Variants in FSTL5 observed in about 807,000 individuals in gnomAD.
FSTL5 encodes follistatin-related protein 5.
Under a neutral mutation model 89.1 loss-of-function variants are expected in FSTL5, and 62 were observed. The ratio of observed to expected loss-of-function variants is 0.70; its 90% confidence interval spans 0.57 to 0.86. The LOEUF (loss-of-function observed/expected upper bound fraction) is 0.86. Ranked by LOEUF, FSTL5 falls within the 40% of genes least tolerant of loss-of-function variation. FSTL5 has a pLI of 0.00. For missense variants in FSTL5, 1,057 were observed against 1,001.6 expected (o/e 1.06, Z -0.75); for synonymous variants, 383 against 346.2 (o/e 1.11, Z -1.18).
At chr4:161,938,665 T>C (rs1397915654) in intron 3 of FSTL5, among the ~76,000 whole-genome samples, 2 of 151,568 alleles carry the variant, frequency 1.3e-5, no homozygotes, top group African/African-American at 2.4e-5. Context: ...AAATAATGCA[T>C]AGTTTATTAA....
intron 2 of FSTL5, among the ~76,000 whole-genome samples, chr4:162,076,208 C>A (rs1020992855): frequency 1.3e-5 from 2 of 151,882 alleles, no homozygotes; most frequent in Non-Finnish European, 2.9e-5. Context: ...TCAGAACCAT[C>A]ATATCGCTAT....
chr4:161,957,159 G>A (rs952164907), intron 3 of FSTL5, among the ~76,000 whole-genome samples: 1 of 151,798 alleles, frequency 6.6e-6, no homozygotes, highest in Non-Finnish European at 1.5e-5. Context: ...TTAAAACCCT[G>A]AAAATACATG....
chr4:162,115,175 C>G (rs749624087), intron 1 of FSTL5, among the ~76,000 whole-genome samples: 8 of 152,092 alleles, frequency 5.3e-5, no homozygotes, highest in Non-Finnish European at 1.0e-4. Flanking sequence ...TTGTAAATAA[C>G]TACTTTGTAA....
chr4:161,893,040 T>G (rs547849769), intron 4 of FSTL5, among the ~76,000 whole-genome samples: 7 of 152,234 alleles, frequency 4.6e-5, no homozygotes, highest in African/African-American at 1.7e-4. Flanking sequence ...TTTTAACACT[T>G]AGTCATACAG....
chr4:161,590,138 A>C (rs1269473784), intron 7 of FSTL5, among the ~76,000 whole-genome samples: 3 of 152,204 alleles, frequency 2.0e-5, no homozygotes, highest in East Asian at 3.9e-4. Flanking sequence ...AAAAGACATC[A>C]AGAAAGTAAA....
At chr4:161,630,139 C>T (rs1487571467) in intron 7 of FSTL5, among the ~76,000 whole-genome samples, 1 of 152,178 alleles carries the variant, frequency 6.6e-6, no homozygotes, top group East Asian at 1.9e-4. Context: ...CCTGCCCCTC[C>T]GTTCCAGGTC....
Position 161,872,269 on chromosome 4 carries a change from C to A in FSTL5, c.409+48135G>T, listed in dbSNP as rs187921094. On this transcript the variant is annotated intron_variant, in intron 4 of 15. Coordinates refer to ENST00000306100, the MANE Select transcript of FSTL5 (RefSeq NM_020116.5). ...TATAGGCATGAGCCATTGTGCCCAG[C>A]CTAAAGTTAACTTTTCAACTGCTAA... 4.6e-5 allele frequency among the ~76,000 whole-genome samples: 7 copies of A among 151,658 alleles called. No homozygotes were observed. The East Asian group carries it at 9.7e-4, about 21-fold the overall frequency.
At chr4:161,600,233 A>G (rs888423460) in intron 7 of FSTL5, among the ~76,000 whole-genome samples, 1 of 151,458 alleles carries the variant, frequency 6.6e-6, no homozygotes, top group Admixed American at 6.6e-5. Flanking sequence ...GCATCCAAAA[A>G]CAGCCAAAAA....
At position 162,056,617 on chromosome 4, in the gene FSTL5, T is replaced by A. The variant is rs6819718; in HGVS notation, c.127-22959A>T. ...CATTCCAACTATATAACATTTTATA[T>A]CATGCAAAATCACTATTTATTGTTT... On this transcript the variant is annotated intron_variant, in intron 2 of 15. Coordinates refer to ENST00000306100, the MANE Select transcript of FSTL5 (RefSeq NM_020116.5). 3.1e-3 allele frequency among the ~76,000 whole-genome samples: 475 copies of A among 152,278 alleles called. 6 individuals carry two copies. Among genetic ancestry groups the A allele is most frequent in the African/African-American group, 0.011 (457 of 41,582 alleles).
intron 8 of FSTL5, among the ~76,000 whole-genome samples, chr4:161,548,054 T>C (rs1732064123): frequency 6.6e-6 from 1 of 151,904 alleles, no homozygotes; most frequent in Non-Finnish European, 1.5e-5. Context: ...AGTGGAGTAA[T>C]AAACCATGTT....
intron 3 of FSTL5, among the ~76,000 whole-genome samples, chr4:162,026,472 TA>T (rs1473456881): frequency 4.6e-5 from 7 of 151,778 alleles, no homozygotes; most frequent in African/African-American, 1.7e-4. Context: ...CACGCTTGGC[TA>T]ATTTTTGTAT....
chr4:161,469,826 T>C (rs1733875392), intron 13 of FSTL5, among the ~76,000 whole-genome samples: 1 of 151,932 alleles, frequency 6.6e-6, no homozygotes, highest in African/African-American at 2.4e-5. Context: ...TTGATTTTAG[T>C]AGAGACGGAG....
intron 15 of FSTL5, among the ~76,000 whole-genome samples, chr4:161,413,909 T>C (rs960943124): frequency 6.6e-6 from 1 of 152,120 alleles, no homozygotes; most frequent in Non-Finnish European, 1.5e-5. Flanking sequence ...TAGGCACTGA[T>C]GAACACTAAA....
At chr4:161,605,714 T>G (rs947251238) in intron 7 of FSTL5, among the ~76,000 whole-genome samples, 5 of 152,240 alleles carry the variant, frequency 3.3e-5, no homozygotes, top group African/African-American at 9.6e-5. Context: ...CACCCTTCAG[T>G]GGAGAACCAT....
chr4:162,161,622 A>G (rs1733699076), intron 1 of FSTL5, among the ~76,000 whole-genome samples: 2 of 151,946 alleles, frequency 1.3e-5, no homozygotes, highest in African/African-American at 4.8e-5. Flanking sequence ...TTCAAGGTAA[A>G]TATTTATACT....
In FSTL5 at chr4:161,909,500, T is replaced by C. The variant is rs191819321; in HGVS notation, c.409+10904A>G. 1.9e-3 allele frequency among the ~76,000 whole-genome samples: 284 copies of C among 152,234 alleles called. 1 individual carries two copies. The highest frequency in any genetic ancestry group is 3.6e-3 in the Non-Finnish European group (243 of 67,978). On this transcript the variant is annotated intron_variant, in intron 4 of 15. Coordinates refer to ENST00000306100, the MANE Select transcript of FSTL5 (RefSeq NM_020116.5). ...TCATACTCCCTCAGCACTGCTAGAA[T>C]TCCTACACTACACCAGCAGTCTTTT...
Position 162,163,994 on chromosome 4 carries a change from A to T in FSTL5, c.-396T>A, listed in dbSNP as rs903404855. On this transcript the variant is annotated 5_prime_UTR_variant, in exon 1 of 16. Transcript: ENST00000306100. The stretch of plus-strand genomic sequence containing the variant: ...GCTCCTTTCACCTCCAGTTTGTCTC[A>T]GTCACTGAACCAGGCTGATTCTCGC... 6.6e-6 allele frequency: 1 copy of T among 152,468 alleles called. No individual in the cohort carries two copies. The highest frequency in any genetic ancestry group is 6.5e-5 in the Admixed American group (1 of 15,286). 9.4% of individuals were successfully genotyped at this position (152,468 alleles called of 1,614,324 possible).
intron 3 of FSTL5, among the ~76,000 whole-genome samples, chr4:162,017,277 G>C (rs1736941436): frequency 6.6e-6 from 1 of 152,128 alleles, no homozygotes; most frequent in South Asian, 2.1e-4. Flanking sequence ...AATAAGCAGA[G>C]AAAAGCCAAA....
At position 161,515,370 on chromosome 4, in the gene FSTL5, G is replaced by T. The variant is rs536345667; in HGVS notation, c.1313-4946C>A. Among the ~76,000 whole-genome samples, 342 of 151,780 alleles carry T rather than the reference G, an allele frequency of 2.3e-3. 2 individuals carry two copies. The highest frequency in any genetic ancestry group is 0.019 in the South Asian group (93 of 4,812). On this transcript the variant is annotated intron_variant, in intron 10 of 15. Transcript: ENST00000306100. ...CCACCACCACACCCAGCTATTTTTT[G>T]TTGTTGTTGTATTTTTAGTAGAGAT...
Sources: gnomAD v4.1 joint callset for allele counts (sites outside exome capture counted in the v4.1 genomes callset) on GRCh38, gnomAD v4.1.1 for gene constraint, MANE v1.5 for transcripts, NCBI Gene and HGNC (gene_info 2026-07-23, HGNC 2026-07-21) for gene names.